The following MYO15B variants were observed in gnomAD, a reference collection of about 807,000 sequenced individuals.
MYO15B encodes the protein myosin XVB pseudogene.
MYO15B carries 207 observed loss-of-function variants against 119.3 expected under a neutral mutation model. The observed-to-expected ratio is 1.73, with a 90% CI of 1.55 to 1.95. MYO15B has a LOEUF of 1.95. Among genes scored for constraint, MYO15B ranks in the 30% most tolerant of loss-of-function variants. The pLI, the probability that MYO15B is intolerant of heterozygous loss-of-function variation, is 0.00. For synonymous variants in MYO15B, 966 were observed against 498.9 expected (o/e 1.94, Z -12.48); for missense variants, 2,264 against 1,203.1 (o/e 1.88, Z -13.04).
Position 75,613,692 on chromosome 17 carries a change from C to T in MYO15B, c.5147-13C>T, listed in dbSNP as rs780892786. On this transcript the variant is annotated splice_polypyrimidine_tract_variant and intron_variant, in intron 28 of 63. Coordinates refer to ENST00000645453, the Ensembl canonical transcript of MYO15B. ...GTCCCTCACTCTTGCCCCCGCCCCC[C>T]ATGCCCCTGCAGAGGAGTGCTACTC... 6 of 701,196 alleles carry T rather than the reference C, an allele frequency of 8.6e-6. No homozygotes were observed. The African/African-American group carries it at 1.0e-4, about 12-fold the overall frequency. The allele number at this position is 701,196 out of a possible 1,614,324, so 43.4% of individuals were successfully genotyped here. A position where few individuals can be genotyped will look rare whatever the true frequency, so the allele number is the denominator to read the frequency against.
At chr17:75,595,650 C>G (rs982660468) in intron 12 of MYO15B, among the ~76,000 whole-genome samples, 4 of 152,234 alleles carry the variant, frequency 2.6e-5, no homozygotes, top group African/African-American at 9.6e-5. Context: ...CCGGTCCTGC[C>G]TTTGGCATGG....
chr17:75,610,804 A>G (rs1568174335), intron 22 of MYO15B, 96 bp from the exon 23 acceptor site: 4 of 696,272 alleles, frequency 5.7e-6, no homozygotes, highest in Non-Finnish European at 1.0e-5. Flanking sequence ...AGAACCTCCC[A>G]GGGGCAGGAG....
At chr17:75,601,703 G>T in intron 15 of MYO15B, 140 bp downstream of exon 15, 1 of 616,018 alleles carries the variant, frequency 1.6e-6, no homozygotes, top group Non-Finnish European at 2.9e-6. Flanking sequence ...CTGAGCCATG[G>T]GCCCTGCCCA....
exon 39 of MYO15B, chr17:75,616,557 A>C: frequency 2.8e-6 from 2 of 702,996 alleles, no homozygotes; most frequent in Non-Finnish European, 5.2e-6. Flanking sequence ...ATCGTGAAGA[A>C]GCCATTGAAG....
At chr17:75,588,375 C>G (rs1247959440) in exon 1 of MYO15B, 2 of 398,540 alleles carry the variant, frequency 5.0e-6, no homozygotes, top group Middle Eastern at 6.3e-4. Context: ...GGGGCGGCCG[C>G]GGGGGGCGCC....
chr17:75,592,663 C>G lies in MYO15B; in HGVS notation c.2830-16C>G, dbSNP rs1185369460. The G allele has an allele frequency of 1.4e-6, 1 of 696,504 alleles. No homozygotes were observed. The highest frequency in any genetic ancestry group is 2.6e-6 in the Non-Finnish European group (1 of 382,092). 43.1% of individuals were successfully genotyped at this position (696,504 alleles called of 1,614,324 possible). ...GGTGGCAGGCCCCGCTCCCTCACCCCTGCTGTGCTCTGCAGGGCCAGGCCT... is the reference window on the plus strand; with the variant it reads ...GGTGGCAGGCCCCGCTCCCTCACCCGTGCTGTGCTCTGCAGGGCCAGGCCT... On this transcript the variant is annotated splice_polypyrimidine_tract_variant and intron_variant, in intron 8 of 63. Coordinates refer to ENST00000645453, the Ensembl canonical transcript of MYO15B.
chr17:75,591,742 G>T (rs1445038648), intron 5 of MYO15B, 30 bp downstream of exon 5: 2 of 702,824 alleles, frequency 2.8e-6, no homozygotes, highest in South Asian at 3.0e-5. Flanking sequence ...TACCTCATGG[G>T]TTGAGCTGGC....
At chr17:75,612,350 C>T (rs2147980674) in intron 25 of MYO15B, among the ~76,000 whole-genome samples, 1 of 152,302 alleles carries the variant, frequency 6.6e-6, no homozygotes, top group Non-Finnish European at 1.5e-5. Flanking sequence ...GTCCAGACTT[C>T]AGCAGTAAAT....
At chr17:75,595,687 G>A (rs564111330) in intron 12 of MYO15B, among the ~76,000 whole-genome samples, 199 of 152,308 alleles carry the variant, frequency 1.3e-3, no homozygotes, top group African/African-American at 4.5e-3. Flanking sequence ...TTGTAGAGAC[G>A]CAGGAGTCTC....
intron 53 of MYO15B, 111 bp downstream of exon 53, chr17:75,622,191 TGA>T (rs1401843578): frequency 4.5e-6 from 3 of 663,070 alleles, no homozygotes; most frequent in Non-Finnish European, 8.3e-6. Flanking sequence ...AAGTATTTAC[TGA>T]GCACCCATTG....
intron 14 of MYO15B, among the ~76,000 whole-genome samples, chr17:75,600,348 C>T (rs7213005): frequency 6.7e-6 from 1 of 150,236 alleles, no homozygotes; most frequent in Non-Finnish European, 1.5e-5. Flanking sequence ...TTTGAAAGAC[C>T]TGTTTAAAAG....
intron 53 of MYO15B, among the ~76,000 whole-genome samples, chr17:75,623,018 A>C (rs2058795805): frequency 6.6e-6 from 1 of 151,628 alleles, no homozygotes; most frequent in African/African-American, 2.4e-5. Flanking sequence ...AGGTGGAGCC[A>C]GCAGAGATGA....
chr17:75,592,599 G>A (rs544743584), intron 8 of MYO15B, 58 bp downstream of exon 8: 458 of 628,772 alleles, frequency 7.3e-4, no homozygotes, highest in Non-Finnish European at 1.1e-3. Flanking sequence ...ATCTCGGCCC[G>A]GAGGTCTGAG....
rs1324513292 is a variant in MYO15B, at chr17:75,615,080, G to A, written c.5641+38G>A. On this transcript the variant is annotated intron_variant, in intron 33 of 63. Transcript: ENST00000645453. The stretch of plus-strand genomic sequence containing the variant: ...CTGATTCCTCACCCAGGGCCTCCGG[G>A]CCCGGCAGCATGGCAGGCATGGCCT... 4.3e-6 allele frequency: 3 copies of A among 696,408 alleles called. No individual in the cohort carries two copies. The South Asian group carries it at 4.5e-5, about 10-fold the overall frequency. The allele number at this position is 696,408 out of a possible 1,614,324, so 43.1% of individuals were successfully genotyped here.
chr17:75,616,409 G>A (rs187484619), exon 38 of MYO15B: 8 of 625,142 alleles, frequency 1.3e-5, no homozygotes, highest in Admixed American at 2.7e-5. Context: ...AGGAGGAGGA[G>A]GAGGAGCAGG....
At chr17:75,596,943 G>GT (rs1207862016) in intron 14 of MYO15B, 44 bp downstream of exon 14, 1 of 662,012 alleles carries the variant, frequency 1.5e-6, no homozygotes, top group East Asian at 2.7e-5. Context: ...TCGGGAAGGA[G>GT]TGGAGGCCCT....
exon 63 of MYO15B, chr17:75,626,224 C>T (rs1399699204): frequency 1.4e-6 from 1 of 702,988 alleles, no homozygotes; most frequent in African/African-American, 1.7e-5. Context: ...TTTGAGCTGC[C>T]ACAGGTGAGT....
At chr17:75,619,694 G>C in exon 46 of MYO15B, 1 of 702,882 alleles carries the variant, frequency 1.4e-6, no homozygotes, top group Non-Finnish European at 2.6e-6. Context: ...GAGAGTGGCA[G>C]CGACGTGCAG....
intron 52 of MYO15B, 150 bp from the exon 53 acceptor site, chr17:75,621,854 G>A (rs985500551): frequency 6.4e-6 from 4 of 621,972 alleles, no homozygotes; most frequent in East Asian, 2.7e-5. Flanking sequence ...CCCATGAGTC[G>A]AGCTGCAACC....
Sources: gnomAD v4.1 joint callset for allele counts (sites outside exome capture counted in the v4.1 genomes callset) on GRCh38, gnomAD v4.1.1 for gene constraint, MANE v1.5 for transcripts, NCBI Gene and HGNC (gene_info 2026-07-23, HGNC 2026-07-21) for gene names.